The following BICRA variants were observed in gnomAD, a reference collection of about 807,000 sequenced individuals.
BICRA encodes BRD4 interacting chromatin remodeling complex associated protein, also known as BRD4-interacting chromatin-remodeling complex-associated protein.
A neutral mutation model predicts 96.9 loss-of-function variants in BICRA; 31 were observed. The observed-to-expected ratio is 0.32, with a 90% CI of 0.24 to 0.43. The LOEUF is 0.43. Among genes scored for constraint, BICRA ranks in the 20% least tolerant of loss-of-function variants. The pLI is 1.00. For synonymous variants in BICRA, 1,350 were observed against 1,071.8 expected (o/e 1.26, Z -5.07); for missense variants, 2,283 against 2,190.3 (o/e 1.04, Z -0.84).
chr19:47,685,786 T>TGTGTGTGTGTGTGTGTGCGCGCGCGC, intron 7 of BICRA, among the ~76,000 whole-genome samples: 2 of 117,930 alleles, frequency 1.7e-5, no homozygotes, highest in African/African-American at 7.3e-5. Context: ...TGTGTGTGTG[T>TGTGTGTGTGTGTGTGTGCGCGCGCGC]GCGCGCGCGC....
chr19:47,681,192 G>A lies in BICRA; in HGVS notation c.2022G>A (p.Pro674=), dbSNP rs1194523662. The A allele has an allele frequency of 7.2e-6, 11 of 1,522,458 alleles. No homozygotes were observed. In the Admixed American group the frequency reaches 9.9e-5, roughly 14 times the overall value. 94.3% of individuals were successfully genotyped at this position (1,522,458 alleles called of 1,614,324 possible). A position where few individuals can be genotyped will look rare whatever the true frequency, so the allele number is the denominator to read the frequency against. ...PQPSPGLASS[P]EKIVLGQPPS... ...CCAGCCCTGGCCTGGCGTCTAGCCC[G>A]GAGAAGATCGTCCTGGGGCAGCCGC... Residue 674 remains proline, a synonymous_variant, in exon 6 of 15, where the codon CCG becomes CCA. Transcript: ENST00000594866.
intron 1 of BICRA, among the ~76,000 whole-genome samples, chr19:47,651,120 G>A (rs377559835): frequency 3.9e-5 from 6 of 151,924 alleles, no homozygotes; most frequent in Non-Finnish European, 8.8e-5. Flanking sequence ...CTGTGCTTCC[G>A]TCCTCACCTT....
intron 7 of BICRA, among the ~76,000 whole-genome samples, chr19:47,693,867 C>T (rs962421907): frequency 5.3e-5 from 8 of 152,002 alleles, no homozygotes; most frequent in Non-Finnish European, 1.0e-4. Flanking sequence ...GGGTTGAGAT[C>T]GGAGGCCAGA....
At chr19:47,648,629 T>C (rs1013106878) in intron 1 of BICRA, among the ~76,000 whole-genome samples, 1 of 150,778 alleles carries the variant, frequency 6.6e-6, no homozygotes, top group Non-Finnish European at 1.5e-5. Context: ...TCCCAGCACT[T>C]TGGGAGGCTG....
rs1973463086 is a variant in BICRA, at chr19:47,701,991, A to G, written c.4259A>G (p.Lys1420Arg). Residue 1420 changes from lysine (K) to arginine (R), a missense_variant, in exon 15 of 15, where the codon AAA becomes AGA. Transcript: ENST00000594866. The surrounding 1 kb of genome is among the most constrained non-coding windows in gnomAD (Gnocchi z 5.4). ...GGCAGCCCGGCGCCGCTGCCCGCCA[A>G]AGTGGACGAGGCCACCAGCGGGCTC... ...RGGSPAPLPA[K>R]VDEATSGLIR... 6 of 1,480,644 alleles carry G rather than the reference A, an allele frequency of 4.1e-6. No homozygotes were observed. The highest frequency in any genetic ancestry group is 5.3e-6 in the Non-Finnish European group (6 of 1,124,794). 91.7% of individuals were successfully genotyped at this position (1,480,644 alleles called of 1,614,324 possible).
intron 7 of BICRA, among the ~76,000 whole-genome samples, chr19:47,685,789 G>GCGCA (rs1973144654): frequency 8.5e-6 from 1 of 117,886 alleles, no homozygotes; most frequent in East Asian, 2.5e-4. Flanking sequence ...GTGTGTGTGC[G>GCGCA]CGCGCGCGCG....
In BICRA at chr19:47,664,137, G is replaced by C. The variant is rs112500701; in HGVS notation, c.-107-6306G>C. Among the ~76,000 whole-genome samples, 4 of 152,302 alleles carry C rather than the reference G, an allele frequency of 2.6e-5. 1 individual carries two copies. Among genetic ancestry groups the C allele is most frequent in the Admixed American group, 2.6e-4 (4 of 15,294 alleles). Reference sequence around the variant, plus strand: ...GCCACATCATTTGCACTTCTTATCAGCAAATGATATCGTTCTGGAGACTTT... The same window carrying C: ...GCCACATCATTTGCACTTCTTATCACCAAATGATATCGTTCTGGAGACTTT... On this transcript the variant is annotated intron_variant, in intron 1 of 14. Coordinates refer to ENST00000594866, the MANE Select transcript of BICRA (RefSeq NM_001394372.1).
chr19:47,610,617 C>A (rs115937872), intron 1 of BICRA, among the ~76,000 whole-genome samples: 1,810 of 146,488 alleles, frequency 0.012, 33 homozygotes, highest in African/African-American at 0.032. Flanking sequence ...CACCCCCCCC[C>A]CACACACACA....
In BICRA at chr19:47,696,482, C is replaced by A. The variant is rs749972863; in HGVS notation, c.3218C>A (p.Pro1073His). ...YESKLSGLKK[P>H]PTLQPSKEAC... is the part of the protein sequence containing the mutation. ...AGCAAACTGAGTGGCCTGAAGAAGC[C>A]CCCCACGCTTCAGCCCAGCAAGGAA... is the stretch of plus-strand genomic sequence containing the variant. Residue 1073 changes from proline to histidine, a missense_variant, in exon 11 of 15, where the codon CCC (proline) becomes CAC (histidine). By Grantham distance (77) the Pro-to-His change is moderately conservative. Coordinates refer to ENST00000594866, the MANE Select transcript of BICRA (RefSeq NM_001394372.1). 1.9e-6 allele frequency: 3 copies of A among 1,604,700 alleles called. No individual in the cohort carries two copies. Among genetic ancestry groups the A allele is most frequent in the Non-Finnish European group, 2.6e-6 (3 of 1,175,816 alleles).
chr19:47,698,806 C>A lies in BICRA; in HGVS notation c.3397+24C>A. The A allele has an allele frequency of 6.4e-7, 1 of 1,567,650 alleles. No individual in the cohort carries two copies. On this transcript the variant is annotated intron_variant, in intron 12 of 14. Transcript: ENST00000594866. This position sits in a 1 kb window ranked among gnomAD's most constrained non-coding sequence, Gnocchi z 4.8. ...AGGTGAGGCCTCCCCAGGACACGGC[C>A]CTATATGTCCCAGGGGACCCCAGCC...
chr19:47,693,361 A>C (rs1401272322), intron 7 of BICRA, among the ~76,000 whole-genome samples: 1 of 152,230 alleles, frequency 6.6e-6, no homozygotes, highest in Non-Finnish European at 1.5e-5. Context: ...TACGTCGTGC[A>C]CACGCATGCA....
At chr19:47,617,616 G>A (rs1206150030) in intron 1 of BICRA, among the ~76,000 whole-genome samples, 4 of 151,936 alleles carry the variant, frequency 2.6e-5, no homozygotes, top group Admixed American at 6.6e-5. Context: ...TGCTCACCTA[G>A]GCCCCCCAAA....
intron 1 of BICRA, among the ~76,000 whole-genome samples, chr19:47,629,267 T>C (rs1378283569): frequency 2.6e-5 from 4 of 152,072 alleles, no homozygotes; most frequent in Admixed American, 2.6e-4. Context: ...CCTCCCAAAG[T>C]GCTGGGATTA....
At chr19:47,646,138 G>A (rs867205712) in intron 1 of BICRA, among the ~76,000 whole-genome samples, 22 of 152,178 alleles carry the variant, frequency 1.4e-4, no homozygotes, top group African/African-American at 5.1e-4. Context: ...AAAACTCAGG[G>A]CAGGGGGGCG....
At chr19:47,608,910 T>C (rs1314578128), upstream of BICRA, among the ~76,000 whole-genome samples, 1 of 126,636 alleles carries the variant, frequency 7.9e-6, no homozygotes, top group Non-Finnish European at 1.7e-5. Context: ...TTTTTTTTTT[T>C]CCGTTTGCAT....
Position 47,694,185 on chromosome 19 carries a change from TG to T in BICRA, c.2359del (p.Asp787ThrfsTer55). On this transcript the variant is annotated frameshift_variant, in exon 8 of 15. Coordinates refer to ENST00000594866, the MANE Select transcript of BICRA (RefSeq NM_001394372.1). LOFTEE classifies it high-confidence loss of function. ...CCGTCACTACCTCACCAGGCCCCTC[TG>T]GGGGACAGCCCCCACCTGCCCTCCC... is the stretch of plus-strand genomic sequence containing the variant. ...SSPSLPHQAP[L>X]GDSPHLPSPH... 2.8e-6 allele frequency: 4 copies of T among 1,445,134 alleles called. No homozygotes were observed. The highest frequency in any genetic ancestry group is 3.7e-6 in the Non-Finnish European group (4 of 1,084,678). The allele number at this position is 1,445,134 out of a possible 1,614,324, so 89.5% of individuals were successfully genotyped here.
chr19:47,647,762 C>A (rs1171125818), intron 1 of BICRA, among the ~76,000 whole-genome samples: 2 of 152,006 alleles, frequency 1.3e-5, no homozygotes, highest in African/African-American at 4.8e-5. Flanking sequence ...TTCCATGGTG[C>A]CTGTGACCAA....
At chr19:47,674,480 A>G (rs1048717774) in intron 4 of BICRA, among the ~76,000 whole-genome samples, 7 of 152,194 alleles carry the variant, frequency 4.6e-5, no homozygotes, top group South Asian at 4.1e-4. Context: ...CAGCTGTATT[A>G]GTATCTATGG....
chr19:47,700,746 A>C (rs1973427222), intron 14 of BICRA: 1 of 152,638 alleles, frequency 6.6e-6, no homozygotes, highest in South Asian at 2.1e-4. Context: ...GTGAGGTGAG[A>C]TGGCGCTACT....
Sources: gnomAD v4.1 joint callset for allele counts (sites outside exome capture counted in the v4.1 genomes callset) on GRCh38, gnomAD v4.1.1 for gene constraint, Gnocchi (gnomAD v3.1) non-coding constraint, MANE v1.5 for transcripts, NCBI Gene and HGNC (gene_info 2026-07-23, HGNC 2026-07-21) for gene names.